The following UNC13C variants were observed in gnomAD, a reference collection of about 807,000 sequenced individuals.
UNC13C encodes unc-13 homolog C.
Under a neutral mutation model 245.4 loss-of-function variants are expected in UNC13C, and 174 were observed. The ratio of observed to expected loss-of-function variants is 0.71; its 90% confidence interval spans 0.63 to 0.80. The LOEUF is 0.80. Ranked by LOEUF, UNC13C falls within the 30% of genes least tolerant of loss-of-function variation. UNC13C has a pLI of 0.00. For synonymous variants in UNC13C, 992 were observed against 895.1 expected, an observed-to-expected ratio of 1.11 and a Z score of -1.93; for missense variants, 2,829 against 2,602.9, an observed-to-expected ratio of 1.09 and a Z score of -1.89.
chr15:54,363,764 A>G (rs2039292279), intron 17 of UNC13C, among the ~76,000 whole-genome samples: 1 of 152,226 alleles, frequency 6.6e-6, no homozygotes, highest in African/African-American at 2.4e-5. Context: ...TTCTCTTGCT[A>G]AAGAATTCAT....
In UNC13C at chr15:54,188,476, G is replaced by A. The variant is rs376279019; in HGVS notation, c.3071+44792G>A. 2.5e-4 allele frequency among the ~76,000 whole-genome samples: 38 copies of A among 151,946 alleles called. 1 individual carries two copies. Among genetic ancestry groups the A allele is most frequent in the African/African-American group, 9.2e-4 (38 of 41,450 alleles). ...AAAGATTTTATGATAATGATAATTG[G>A]GTACAACAAACTACATTTATTTTAA... On this transcript the variant is annotated intron_variant, in intron 4 of 32. Coordinates refer to ENST00000260323, the MANE Select transcript of UNC13C (RefSeq NM_001080534.3).
intron 2 of UNC13C, among the ~76,000 whole-genome samples, chr15:54,140,062 T>C (rs1434438945): frequency 2.0e-5 from 3 of 152,152 alleles, no homozygotes; most frequent in Non-Finnish European, 2.9e-5. Flanking sequence ...GACCATACTG[T>C]TTTAGCTGTT....
chr15:53,992,550 G>A (rs529644669), intron 1 of UNC13C, among the ~76,000 whole-genome samples: 16 of 152,172 alleles, frequency 1.1e-4, no homozygotes, highest in African/African-American at 2.6e-4. Flanking sequence ...GGAGAATCTA[G>A]GGATCCAAGA....
intron 30 of UNC13C, among the ~76,000 whole-genome samples, chr15:54,621,397 A>G (rs1900787812): frequency 6.6e-6 from 1 of 152,212 alleles, no homozygotes; most frequent in Non-Finnish European, 1.5e-5. Context: ...AAGGAATTAA[A>G]CAATTGAAAT....
intron 19 of UNC13C, among the ~76,000 whole-genome samples, chr15:54,487,766 C>CAAAAAAAAAAAAAAAAAAAAAAAAAAA: frequency 1.6e-5 from 1 of 62,768 alleles, no homozygotes; most frequent in African/African-American, 6.0e-5. Context: ...GATTCCATCT[C>CAAAAAAAAAAAAAAAAAAAAAAAAAAA]AAAAAAAAAA....
chr15:54,531,655 T>TA (rs1596525545), intron 25 of UNC13C, among the ~76,000 whole-genome samples: 1 of 151,826 alleles, frequency 6.6e-6, no homozygotes, highest in East Asian at 1.9e-4. Flanking sequence ...TTTTTTTTTT[T>TA]AACAACAAAT....
At chr15:53,993,891 C>A (rs1017873727) in intron 1 of UNC13C, among the ~76,000 whole-genome samples, 12 of 151,842 alleles carry the variant, frequency 7.9e-5, no homozygotes, top group African/African-American at 2.7e-4. Flanking sequence ...ATAATTGGGG[C>A]CCTATTCTTA....
At chr15:54,056,610 C>T (rs188289726) in intron 2 of UNC13C, among the ~76,000 whole-genome samples, 26 of 152,116 alleles carry the variant, frequency 1.7e-4, no homozygotes, top group African/African-American at 4.6e-4. Flanking sequence ...ATACAGAGAA[C>T]GCCACAAAGA....
At chr15:54,132,818 TA>T (rs1274961632) in intron 2 of UNC13C, among the ~76,000 whole-genome samples, 2 of 152,192 alleles carry the variant, frequency 1.3e-5, no homozygotes, top group East Asian at 3.9e-4. Context: ...GTGGGAAATT[TA>T]TACTGTGTTA....
At chr15:54,371,041 T>C (rs2039475740) in intron 17 of UNC13C, among the ~76,000 whole-genome samples, 1 of 152,172 alleles carries the variant, frequency 6.6e-6, no homozygotes. Context: ...TCCACTCTCT[T>C]AGCACTTTTC....
At chr15:54,555,793 C>G (rs1282177196) in intron 29 of UNC13C, among the ~76,000 whole-genome samples, 1 of 152,064 alleles carries the variant, frequency 6.6e-6, no homozygotes, top group Non-Finnish European at 1.5e-5. Flanking sequence ...TTGTCTCTCT[C>G]TAAAGCATAA....
intron 2 of UNC13C, among the ~76,000 whole-genome samples, chr15:54,031,542 T>C (rs1896359341): frequency 6.6e-6 from 1 of 152,206 alleles, no homozygotes; most frequent in Non-Finnish European, 1.5e-5. Flanking sequence ...CTTGAAGGAA[T>C]CATCTTTGGA....
chr15:54,592,934 T>C (rs371082260), intron 30 of UNC13C, among the ~76,000 whole-genome samples: 7 of 151,838 alleles, frequency 4.6e-5, no homozygotes, highest in Admixed American at 3.3e-4. Flanking sequence ...AGAGATTTGG[T>C]TTTGATGTGT....
rs1445112573 is a variant in UNC13C at position 54,485,603 on chromosome 15, A to G, written c.4934-9005A>G. Among the ~76,000 whole-genome samples the G allele has an allele frequency of 3.3e-5, 5 of 152,236 alleles. 1 individual carries two copies. Among genetic ancestry groups the G allele is most frequent in the Non-Finnish European group, 2.9e-5 (2 of 68,048 alleles). ...GTCATGTTTTACAGATGTAAATCAG[A>G]CCAAAATCATGCAGTTTTATTCCAT... is the stretch of plus-strand genomic sequence containing the variant. On this transcript the variant is annotated intron_variant, in intron 19 of 32. Coordinates refer to ENST00000260323, the MANE Select transcript of UNC13C (RefSeq NM_001080534.3).
At chr15:54,052,301 G>A (rs375641740) in intron 2 of UNC13C, among the ~76,000 whole-genome samples, 1 of 140,112 alleles carries the variant, frequency 7.1e-6, no homozygotes. Flanking sequence ...TGGGTCAAAT[G>A]GTATTTGTAG....
intron 19 of UNC13C, among the ~76,000 whole-genome samples, chr15:54,476,992 G>T (rs1892784116): frequency 8.6e-6 from 1 of 116,254 alleles, no homozygotes; most frequent in Non-Finnish European, 1.8e-5. Flanking sequence ...CTTGAGCAGT[G>T]GTTTGTAGTT....
the UNC13C span, among the ~76,000 whole-genome samples, chr15:53,880,444 G>A: frequency 2.0e-5 from 3 of 152,272 alleles, no homozygotes; most frequent in African/African-American, 7.2e-5. Flanking sequence ...AATAATGTCC[G>A]AACTACACGT....
intron 17 of UNC13C, among the ~76,000 whole-genome samples, chr15:54,340,333 A>T (rs2038698556): frequency 6.6e-6 from 1 of 152,068 alleles, no homozygotes; most frequent in African/African-American, 2.4e-5. Context: ...ATTTGCTTTT[A>T]GGTTCTTGGT....
chr15:53,882,884 G>T, the UNC13C span, among the ~76,000 whole-genome samples: 4 of 152,118 alleles, frequency 2.6e-5, no homozygotes, highest in Non-Finnish European at 4.4e-5. Context: ...AACACACACT[G>T]GGGCCTATCA....
Sources: allele counts gnomAD v4.1 joint callset (sites outside exome capture counted in the v4.1 genomes callset), GRCh38; gene constraint gnomAD v4.1.1; transcripts MANE v1.5; gene names NCBI Gene and HGNC (gene_info 2026-07-23, HGNC 2026-07-21).